Variants in CNTRL observed in about 807,000 individuals in gnomAD.
The protein encoded by CNTRL is 110 kDa centrosomal protein.
CNTRL carries 233 observed loss-of-function variants against 303.7 expected under a neutral mutation model. That is an observed-to-expected ratio of 0.77 (90% CI 0.69 to 0.86). The LOEUF is 0.86. CNTRL is among the 40% of genes least tolerant of loss of function. CNTRL has a pLI of 0.00. For missense variants in CNTRL, 2,524 were observed against 2,650.6 expected (o/e 0.95, Z 1.05); for synonymous variants, 900 against 922.2 (o/e 0.98, Z 0.44).
rs544806371 is a variant in CNTRL at position 121,120,120 on chromosome 9, G to T, written c.1650+1580G>T. Reference sequence around the variant, plus strand: ...TCCTGGTATACCTTGAATAATAGGGGTTTTTTTTTTAAAGAACTTTAAGAT... The same window carrying T: ...TCCTGGTATACCTTGAATAATAGGGTTTTTTTTTTTAAAGAACTTTAAGAT... On this transcript the variant is annotated intron_variant, in intron 12 of 43. Coordinates refer to ENST00000373855, the MANE Select transcript of CNTRL (RefSeq NM_007018.6). Among the ~76,000 whole-genome samples the T allele has an allele frequency of 1.3e-3, 189 of 148,548 alleles. 2 individuals are homozygous for T. The South Asian group carries it at 0.022, about 18-fold the overall frequency.
At chr9:121,150,050 C>T in intron 24 of CNTRL, 120 bp from the exon 25 acceptor site, 1 of 666,854 alleles carries the variant, frequency 1.5e-6, no homozygotes, top group Non-Finnish European at 2.4e-6. Flanking sequence ...GAGTTTTATT[C>T]TCACATCTGC....
chr9:121,154,834 T>C lies in CNTRL; in HGVS notation c.4286T>C (p.Leu1429Pro). 1 of 1,614,204 alleles carries C rather than the reference T, an allele frequency of 6.2e-7. No homozygotes were observed. The highest frequency in any genetic ancestry group is 1.1e-5 in the South Asian group (1 of 91,086). The change falls in exon 27 of 44, where the codon CTG (leucine) becomes CCG (proline). Residue 1429 changes from leucine (L) to proline (P), a missense_variant. Leu to Pro is a moderately conservative substitution (Grantham distance 98). Transcript: ENST00000373855. ...DEIECIEKTL[L>P]KRRSELREAD... ...ATTGAGTGCATTGAGAAGACTCTTC[T>C]GAAACGTCGCTCAGAGCTCAGGGAA... is the stretch of plus-strand genomic sequence containing the variant.
intron 34 of CNTRL, among the ~76,000 whole-genome samples, chr9:121,164,431 T>C (rs2053001931): frequency 6.6e-6 from 1 of 152,188 alleles, no homozygotes; most frequent in Non-Finnish European, 1.5e-5. Flanking sequence ...GATAAACAAA[T>C]TGTGGTATAT....
chr9:121,094,266 C>G (rs1430160619), intron 4 of CNTRL, among the ~76,000 whole-genome samples: 4 of 152,026 alleles, frequency 2.6e-5, no homozygotes, highest in Admixed American at 2.6e-4. Context: ...CTGGGAAGTT[C>G]AAGATTGAGG....
In CNTRL at chr9:121,124,062, C is replaced by T. The variant is rs750691569; in HGVS notation, c.1782C>T (p.Asp594=). 1 of 1,607,132 alleles carries T rather than the reference C, an allele frequency of 6.2e-7. No individual in the cohort carries two copies. Among genetic ancestry groups the T allele is most frequent in the South Asian group, 1.1e-5 (1 of 89,244 alleles). The change falls in exon 13 of 44, where the codon GAC becomes GAT. Residue 594 remains aspartate (D), a synonymous_variant. Coordinates refer to ENST00000373855, the MANE Select transcript of CNTRL (RefSeq NM_007018.6). Reference sequence around the variant, plus strand: ...CTAAGGAAACGGAAGAGATTAAGGACCTTGAAGAACAGCTTACTGAAGGTA... The same window carrying T: ...CTAAGGAAACGGAAGAGATTAAGGATCTTGAAGAACAGCTTACTGAAGGTA... The part of the protein sequence containing the change: ...RIAKETEEIK[D]LEEQLTEGQI...
At chr9:121,094,448 A>G (rs572067743) in intron 4 of CNTRL, among the ~76,000 whole-genome samples, 3 of 152,202 alleles carry the variant, frequency 2.0e-5, no homozygotes, top group Non-Finnish European at 4.4e-5. Flanking sequence ...CTGAGGGCAG[A>G]ACCCTCATAA....
rs1230634088 is a variant in CNTRL at position 121,169,516 on chromosome 9, AT to A, written c.6071-94del. 137 of 1,179,696 alleles carry A rather than the reference AT, an allele frequency of 1.2e-4. 1 individual carries two copies. The highest frequency in any genetic ancestry group is 8.0e-4 in the South Asian group (62 of 77,644). The allele number at this position is 1,179,696 out of a possible 1,614,324, so 73.1% of individuals were successfully genotyped here. A position where few individuals can be genotyped will look rare whatever the true frequency, so the allele number is the denominator to read the frequency against. On this transcript the variant is annotated intron_variant, in intron 38 of 43. Transcript: ENST00000373855. Reference sequence around the variant, plus strand: ...GGAGGAAAGCACCTGCATGGGTAGCATATCACCATTATGCATCTGCCACAAG... The same window carrying A: ...GGAGGAAAGCACCTGCATGGGTAGCAATCACCATTATGCATCTGCCACAAG...
chr9:121,115,985 A>G (rs1223912309), intron 11 of CNTRL, among the ~76,000 whole-genome samples: 1 of 152,208 alleles, frequency 6.6e-6, no homozygotes, highest in Non-Finnish European at 1.5e-5. Context: ...AATGAACAAA[A>G]TAGACATGTG....
chr9:121,113,336 TAAG>T (rs937140734), intron 9 of CNTRL, among the ~76,000 whole-genome samples, 163 bp from the exon 10 acceptor site: 7 of 152,140 alleles, frequency 4.6e-5, no homozygotes, highest in Non-Finnish European at 1.0e-4. Context: ...TTTGGTATAT[TAAG>T]AAGAAGATAA....
intron 42 of CNTRL, among the ~76,000 whole-genome samples, chr9:121,174,041 CTG>C: frequency 6.6e-6 from 1 of 152,250 alleles, no homozygotes; most frequent in East Asian, 1.9e-4. Context: ...CAGTGATGAA[CTG>C]TAAGGTTATC....
In CNTRL at chr9:121,142,194, T is replaced by C. The variant is rs1338259724; in HGVS notation, c.2795T>C (p.Leu932Pro). The part of the protein sequence containing the change: ...NLKSMEEIQG[L>P]TDLQLQEADE... ...AAAAGTATGGAGGAAATCCAAGGCCTTACAGATCTCCAACTTCAGGAAGCT... is the reference window on the plus strand; with the variant it reads ...AAAAGTATGGAGGAAATCCAAGGCCCTACAGATCTCCAACTTCAGGAAGCT... The change falls in exon 19 of 44, where the codon CTT becomes CCT. Residue 932 changes from leucine (L) to proline (P), a missense_variant. Coordinates refer to ENST00000373855, the MANE Select transcript of CNTRL (RefSeq NM_007018.6). 6.2e-7 allele frequency: 1 copy of C among 1,612,682 alleles called. No individual in the cohort carries two copies. Among genetic ancestry groups the C allele is most frequent in the South Asian group, 1.1e-5 (1 of 90,728 alleles).
chr9:121,104,648 C>G (rs1054380511), intron 7 of CNTRL, among the ~76,000 whole-genome samples: 5 of 149,650 alleles, frequency 3.3e-5, no homozygotes, highest in Non-Finnish European at 7.4e-5. Flanking sequence ...GGCACAGGGC[C>G]TTGGAATTTT....
At chr9:121,112,664 G>T in intron 9 of CNTRL, 86 bp downstream of exon 9, 1 of 1,349,336 alleles carries the variant, frequency 7.4e-7, no homozygotes, top group Non-Finnish European at 1.0e-6. Flanking sequence ...GACATGTAAG[G>T]GATTTGATCA....
At chr9:121,142,700 A>T (rs1350915841) in intron 19 of CNTRL, among the ~76,000 whole-genome samples, 1 of 152,158 alleles carries the variant, frequency 6.6e-6, no homozygotes, top group Non-Finnish European at 1.5e-5. Context: ...GGACTTTGTC[A>T]AGTTTAAAAA....
intron 4 of CNTRL, among the ~76,000 whole-genome samples, chr9:121,092,867 C>T (rs1162204383): frequency 6.6e-5 from 9 of 136,208 alleles, no homozygotes; most frequent in African/African-American, 2.3e-4. Flanking sequence ...AGTGCAATGG[C>T]GTGATCTCGG....
Position 121,096,568 on chromosome 9 carries a change from G to A in CNTRL, c.621+5G>A, listed in dbSNP as rs536938503. On this transcript the variant is annotated splice_donor_5th_base_variant and intron_variant, in intron 6 of 43. Coordinates refer to ENST00000373855, the MANE Select transcript of CNTRL (RefSeq NM_007018.6). ...AAAGGCAACAAGATATCATCGGTAA[G>A]TTATTCAAAATAGCAGGAATTTTTA... is the stretch of plus-strand genomic sequence containing the variant. 6 of 1,427,878 alleles carry A rather than the reference G, an allele frequency of 4.2e-6. No homozygotes were observed. The highest frequency in any genetic ancestry group is 3.5e-5 in the South Asian group (2 of 57,596). The allele number at this position is 1,427,878 out of a possible 1,614,324, so 88.5% of individuals were successfully genotyped here. A position where few individuals can be genotyped will look rare whatever the true frequency, so the allele number is the denominator to read the frequency against.
At chr9:121,095,451 C>T (rs1048313200) in intron 5 of CNTRL, among the ~76,000 whole-genome samples, 2 of 152,098 alleles carry the variant, frequency 1.3e-5, no homozygotes, top group Non-Finnish European at 2.9e-5. Flanking sequence ...GCTCTCAATC[C>T]TGTTTCCAAT....
At position 121,175,161 on chromosome 9, in the gene CNTRL, A is replaced by C; in HGVS notation, c.6891A>C (p.Ser2297=). 1 of 1,614,178 alleles carries C rather than the reference A, an allele frequency of 6.2e-7. No individual in the cohort carries two copies. The highest frequency in any genetic ancestry group is 8.5e-7 in the Non-Finnish European group (1 of 1,180,024). The change falls in exon 43 of 44, where the codon TCA becomes TCC. Residue 2297 remains serine, a synonymous_variant. Transcript: ENST00000373855. ...LVTSTSADSA[S]SPSLSQLESS... is the part of the protein sequence containing the mutation. ...CCAGCACCTCTGCAGATTCAGCGTC[A>C]TCACCCAGTCTGTCTCAGCTGGAGT...
chr9:121,148,645 A>AGT (rs1564274694), intron 23 of CNTRL, 27 bp from the exon 24 acceptor site: 8 of 1,590,834 alleles, frequency 5.0e-6, no homozygotes, highest in Middle Eastern at 1.7e-4. Context: ...TATAATAGAT[A>AGT]GTGTGCTCTG....
Sources: gnomAD v4.1 joint callset for allele counts (sites outside exome capture counted in the v4.1 genomes callset) on GRCh38, gnomAD v4.1.1 for gene constraint, MANE v1.5 for transcripts, NCBI Gene and HGNC (gene_info 2026-07-23, HGNC 2026-07-21) for gene names.